The following TENM3 variants were observed in gnomAD, a reference collection of about 807,000 sequenced individuals.
TENM3 encodes teneurin transmembrane protein 3.
TENM3 carries 63 observed loss-of-function variants against 255.1 expected under a neutral mutation model. The ratio of observed to expected loss-of-function variants is 0.25; its 90% confidence interval spans 0.20 to 0.30. The LOEUF is 0.30. Ranked by LOEUF, TENM3 falls within the 10% of genes least tolerant of loss-of-function variation. The pLI is 1.00. For missense variants in TENM3, 2,929 were observed against 3,461.1 expected, an observed-to-expected ratio of 0.85 and a Z score of 3.86; for synonymous variants, 1,306 against 1,322.3, an observed-to-expected ratio of 0.99 and a Z score of 0.27.
At chr4:182,285,830 C>T (rs1042208016) in intron 1 of TENM3, among the ~76,000 whole-genome samples, 1 of 151,760 alleles carries the variant, frequency 6.6e-6, no homozygotes, top group African/African-American at 2.4e-5. Context: ...TGGACCAAGG[C>T]TGGACCAAAA....
chr4:181,479,899 T>C, the TENM3 span, among the ~76,000 whole-genome samples: 5 of 152,158 alleles, frequency 3.3e-5, no homozygotes, highest in Non-Finnish European at 1.5e-5. Flanking sequence ...ATTTGCAAAG[T>C]GCTTTGTAAA....
the TENM3 span, among the ~76,000 whole-genome samples, chr4:181,954,522 A>G: frequency 1.3e-5 from 2 of 152,190 alleles, no homozygotes; most frequent in Admixed American, 1.3e-4. Flanking sequence ...ATGGGCTAAT[A>G]ATCCTGAGCT....
the TENM3 span, among the ~76,000 whole-genome samples, chr4:181,589,430 G>T: frequency 6.6e-6 from 1 of 152,114 alleles, no homozygotes; most frequent in African/African-American, 2.4e-5. Context: ...TGAATGCTAT[G>T]TACAATATAC....
At chr4:181,495,579 GAGAC>G in the TENM3 span, among the ~76,000 whole-genome samples, 1 of 146,802 alleles carries the variant, frequency 6.8e-6, no homozygotes, top group Non-Finnish European at 1.5e-5. Flanking sequence ...GAGAGAGAGA[GAGAC>G]ATTCATTTTA....
At chr4:182,422,227 G>T (rs1770889274) in intron 3 of TENM3, among the ~76,000 whole-genome samples, 1 of 152,004 alleles carries the variant, frequency 6.6e-6, no homozygotes, top group Non-Finnish European at 1.5e-5. Context: ...TTTTAAAAGA[G>T]TGTAGACTGT....
intron 1 of TENM3, among the ~76,000 whole-genome samples, chr4:182,169,102 C>CACACACACAA (rs1435410552): frequency 1.3e-5 from 2 of 151,940 alleles, no homozygotes; most frequent in Non-Finnish European, 2.9e-5. Flanking sequence ...CACACACACA[C>CACACACACAA]ACGTGGGTGT....
At chr4:181,902,003 A>C in the TENM3 span, among the ~76,000 whole-genome samples, 1 of 152,112 alleles carries the variant, frequency 6.6e-6, no homozygotes, top group Non-Finnish European at 1.5e-5. Context: ...AGGACTGGAT[A>C]GTGTTAATCG....
At chr4:182,220,436 C>T (rs1281833319) in intron 1 of TENM3, among the ~76,000 whole-genome samples, 1 of 149,302 alleles carries the variant, frequency 6.7e-6, no homozygotes, top group East Asian at 2.0e-4. Context: ...GGCCTCATCT[C>T]AGCTCTCCTG....
intron 3 of TENM3, among the ~76,000 whole-genome samples, chr4:182,447,861 G>A (rs1393660293): frequency 6.6e-6 from 1 of 152,138 alleles, no homozygotes; most frequent in African/African-American, 2.4e-5. Context: ...AGAGGCTGGA[G>A]GGGATGGAAT....
the TENM3 span, among the ~76,000 whole-genome samples, chr4:181,931,729 A>T: frequency 6.6e-6 from 1 of 152,246 alleles, no homozygotes; most frequent in Admixed American, 6.5e-5. Context: ...AGCAAAAAGA[A>T]CAAAGCTGGA....
the TENM3 span, among the ~76,000 whole-genome samples, chr4:182,086,018 G>A: frequency 1.2e-3 from 186 of 152,212 alleles, 2 homozygotes; most frequent in Middle Eastern, 0.01. Flanking sequence ...AATTTTGACG[G>A]CATAAGAAGT....
chr4:182,045,105 G>T, the TENM3 span, among the ~76,000 whole-genome samples: 5 of 152,172 alleles, frequency 3.3e-5, no homozygotes, highest in African/African-American at 1.2e-4. Context: ...CAAGGGAAAA[G>T]TTAGAGTTTT....
chr4:182,774,676 A>G (rs1764534800), intron 23 of TENM3, among the ~76,000 whole-genome samples: 1 of 152,176 alleles, frequency 6.6e-6, no homozygotes, highest in Admixed American at 6.5e-5. Flanking sequence ...TGAGAAAAAG[A>G]AGTCTATTAA....
At chr4:182,572,317 C>T (rs1744470711) in intron 3 of TENM3, among the ~76,000 whole-genome samples, 1 of 152,180 alleles carries the variant, frequency 6.6e-6, no homozygotes, top group African/African-American at 2.4e-5. Flanking sequence ...AAAATGAGAA[C>T]ATTTTTGTAA....
At chr4:182,722,692 A>C (rs1465149633) in intron 13 of TENM3, among the ~76,000 whole-genome samples, 1 of 152,212 alleles carries the variant, frequency 6.6e-6, no homozygotes, top group Non-Finnish European at 1.5e-5. Flanking sequence ...GAAGTGAAAT[A>C]ATCAGATTTG....
chr4:182,621,455 A>AC (rs1449819941), intron 4 of TENM3, among the ~76,000 whole-genome samples: 2 of 149,758 alleles, frequency 1.3e-5, no homozygotes, highest in African/African-American at 4.9e-5. Flanking sequence ...GAGGAGGGGT[A>AC]CTTCTGAGAT....
At chr4:182,063,897 CAGG>C in the TENM3 span, among the ~76,000 whole-genome samples, 1 of 152,058 alleles carries the variant, frequency 6.6e-6, no homozygotes, top group African/African-American at 2.4e-5. Context: ...CACAGAAAAG[CAGG>C]AGAAGAAAGT....
At chr4:181,929,119 AC>A in the TENM3 span, among the ~76,000 whole-genome samples, 1 of 152,212 alleles carries the variant, frequency 6.6e-6, no homozygotes, top group Non-Finnish European at 1.5e-5. Flanking sequence ...AACTGCGTCA[AC>A]CAACTGGCAA....
At chr4:182,255,494 A>C (rs1318012407) in intron 1 of TENM3, among the ~76,000 whole-genome samples, 3 of 152,208 alleles carry the variant, frequency 2.0e-5, no homozygotes, top group Non-Finnish European at 4.4e-5. Context: ...ATGGTATATT[A>C]TGCTTTTCAG....
Sources: gnomAD v4.1 joint callset for allele counts (sites outside exome capture counted in the v4.1 genomes callset) on GRCh38, gnomAD v4.1.1 for gene constraint, MANE v1.5 for transcripts, NCBI Gene and HGNC (gene_info 2026-07-23, HGNC 2026-07-21) for gene names.